Variants in CD1B observed in about 807,000 individuals in gnomAD.
CD1B encodes CD1b molecule, also known as T-cell surface glycoprotein CD1b.
Under a neutral mutation model 39.8 loss-of-function variants are expected in CD1B, and 43 were observed. The observed-to-expected ratio is 1.08, with a 90% CI of 0.85 to 1.39. The LOEUF is 1.39. Among genes scored for constraint, CD1B ranks in the 40% most tolerant of loss-of-function variants. The probability of loss-of-function intolerance (pLI) is 0.00; values close to 1 mark genes in which losing one functional copy is unlikely to be tolerated. For synonymous variants in CD1B, 192 were observed against 152.5 expected (o/e 1.26, Z -1.91); for missense variants, 495 against 403.8 (o/e 1.23, Z -1.94).
chr1:158,293,091 A>T, the CD1B span: 1 of 939,626 alleles, frequency 1.1e-6, no homozygotes, highest in Non-Finnish European at 1.7e-6. Flanking sequence ...GAATAGAGTG[A>T]CTGAAATAGG....
chr1:158,317,378 G>T, the CD1B span, among the ~76,000 whole-genome samples: 3 of 152,056 alleles, frequency 2.0e-5, no homozygotes, highest in South Asian at 4.2e-4. Flanking sequence ...ACTTCTTCCT[G>T]GTTTAGTCTT....
intron 4 of CD1B, 102 bp downstream of exon 4, chr1:158,329,268 C>T (rs1342195085): frequency 4.4e-6 from 6 of 1,375,162 alleles, no homozygotes; most frequent in East Asian, 4.6e-5. Flanking sequence ...CAATCAATCT[C>T]TCCCTCTTTC....
the CD1B span, among the ~76,000 whole-genome samples, chr1:158,287,258 C>T: frequency 1.3e-5 from 2 of 152,002 alleles, no homozygotes; most frequent in Admixed American, 6.6e-5. Context: ...TCACTATGAG[C>T]TCATATGGCC....
the CD1B span, among the ~76,000 whole-genome samples, chr1:158,310,050 A>T: frequency 6.6e-6 from 1 of 152,200 alleles, no homozygotes; most frequent in Non-Finnish European, 1.5e-5. Context: ...GAAGCACCAC[A>T]CTATCTGACT....
chr1:158,291,131 A>C, the CD1B span: 1 of 1,611,490 alleles, frequency 6.2e-7, no homozygotes, highest in South Asian at 1.1e-5. Flanking sequence ...CTTCCACCAA[A>C]AGCATCCCAG....
At chr1:158,319,841 A>C in the CD1B span, among the ~76,000 whole-genome samples, 2 of 151,900 alleles carry the variant, frequency 1.3e-5, no homozygotes, top group African/African-American at 2.4e-5. Flanking sequence ...TGAGTTTTTG[A>C]TGTGGATGTC....
At chr1:158,322,430 TG>T in the CD1B span, among the ~76,000 whole-genome samples, 4,165 of 146,820 alleles carry the variant, frequency 0.028, 200 homozygotes, top group African/African-American at 0.1. Context: ...TTTTTTTTTT[TG>T]TGTGTGTGTG....
At chr1:158,317,978 T>C in the CD1B span, among the ~76,000 whole-genome samples, 1 of 152,146 alleles carries the variant, frequency 6.6e-6, no homozygotes, top group Non-Finnish European at 1.5e-5. Context: ...CGGTTTTGAG[T>C]GAGATTCTTA....
chr1:158,329,376 A>G lies in CD1B; in HGVS notation c.880T>C (p.Tyr294His). The G allele has an allele frequency of 6.2e-7, 1 of 1,613,268 alleles. No individual in the cohort carries two copies. The highest frequency in any genetic ancestry group is 8.5e-7 in the Non-Finnish European group (1 of 1,179,392). The part of the protein sequence containing the change: ...SSLEGQDIIL[Y>H]WRNPTSIGSI... ...GGTCCCTGCTATTTCTTACTCCAGTAGAGGATGATGTCCTGGCCCTCTAAA... is the reference window on the plus strand; with the variant it reads ...GGTCCCTGCTATTTCTTACTCCAGTGGAGGATGATGTCCTGGCCCTCTAAA... Residue 294 changes from tyrosine to histidine, a missense_variant, in exon 4 of 6, where the codon TAC becomes CAC. Coordinates refer to ENST00000368168, the MANE Select transcript of CD1B (RefSeq NM_001764.3).
intron 4 of CD1B, 78 bp from the exon 5 acceptor site, chr1:158,329,092 A>T (rs755627926): frequency 2.1e-4 from 248 of 1,207,126 alleles, no homozygotes; most frequent in Non-Finnish European, 2.9e-4. Context: ...TTGCCCACCT[A>T]CTTCCAATGT....
the CD1B span, among the ~76,000 whole-genome samples, chr1:158,300,795 G>C: frequency 1.1e-4 from 14 of 131,368 alleles, no homozygotes; most frequent in South Asian, 3.4e-3. Context: ...GTCTCACTCT[G>C]TCACCCAGGC....
chr1:158,300,997 A>T, the CD1B span, among the ~76,000 whole-genome samples: 3 of 152,006 alleles, frequency 2.0e-5, no homozygotes, highest in South Asian at 6.3e-4. Context: ...TGACTTCATG[A>T]TCTGCCCACC....
chr1:158,317,591 T>C, the CD1B span, among the ~76,000 whole-genome samples: 1 of 152,206 alleles, frequency 6.6e-6, no homozygotes, highest in Non-Finnish European at 1.5e-5. Context: ...TCTATCTATT[T>C]TGTTGATCCT....
intron 5 of CD1B, among the ~76,000 whole-genome samples, chr1:158,328,696 C>T (rs757821457): frequency 3.3e-5 from 5 of 152,086 alleles, no homozygotes; most frequent in Non-Finnish European, 4.4e-5. Flanking sequence ...CACTTAACAC[C>T]ACTGAACTGT....
chr1:158,291,376 C>T, the CD1B span: 12 of 1,613,908 alleles, frequency 7.4e-6, no homozygotes, highest in Admixed American at 3.3e-5. Flanking sequence ...GATTCAAGAC[C>T]ATGCAAGTCA....
chr1:158,289,260 C>G, the CD1B span, among the ~76,000 whole-genome samples: 1 of 152,204 alleles, frequency 6.6e-6, no homozygotes, highest in Non-Finnish European at 1.5e-5. Context: ...TTGTTAACCT[C>G]TGTGTGTTTA....
At chr1:158,317,804 C>T in the CD1B span, among the ~76,000 whole-genome samples, 2 of 152,160 alleles carry the variant, frequency 1.3e-5, no homozygotes, top group East Asian at 1.9e-4. Context: ...GCATTTAGTG[C>T]TATAAATTTC....
the CD1B span, among the ~76,000 whole-genome samples, chr1:158,287,283 GCACA>G: frequency 6.0e-5 from 9 of 149,072 alleles, no homozygotes; most frequent in Non-Finnish European, 1.2e-4. Context: ...CATGGTGGGT[GCACA>G]CACACACACA....
the CD1B span, chr1:158,292,986 A>G: frequency 9.3e-7 from 1 of 1,078,610 alleles, no homozygotes; most frequent in Non-Finnish European, 1.3e-6. Context: ...AGAAATGTAT[A>G]GGGTAATTTA....
Sources: gnomAD v4.1 joint callset for allele counts (sites outside exome capture counted in the v4.1 genomes callset) on GRCh38, gnomAD v4.1.1 for gene constraint, MANE v1.5 for transcripts, NCBI Gene and HGNC (gene_info 2026-07-23, HGNC 2026-07-21) for gene names.